CNTNAP4: variants seen among roughly 807,000 people sequenced by gnomAD.
The protein encoded by CNTNAP4 is contactin associated protein family member 4.
In CNTNAP4, 98 loss-of-function variants were observed where a neutral mutation model predicts 148.4. The ratio of observed to expected loss-of-function variants is 0.66; its 90% CI spans 0.56 to 0.78. The LOEUF is 0.78. Among genes scored for constraint, CNTNAP4 ranks in the 30% least tolerant of loss-of-function variants. The pLI, the probability that CNTNAP4 is intolerant of heterozygous loss-of-function variation, is 0.00. For synonymous variants in CNTNAP4, 730 were observed against 565.1 expected (o/e 1.29, Z -4.14); for missense variants, 1,935 against 1,565.6 (o/e 1.24, Z -3.98).
Position 76,521,063 on chromosome 16 carries a change from T to C in CNTNAP4, c.2366-77T>C, listed in dbSNP as rs1447645443. 9.8e-6 allele frequency: 13 copies of C among 1,331,582 alleles called. No individual in the cohort carries two copies. The Admixed American group carries it at 1.6e-4, about 16-fold the overall frequency. 82.5% of individuals were successfully genotyped at this position (1,331,582 alleles called of 1,614,324 possible). A position where few individuals can be genotyped will look rare whatever the true frequency, so the allele number is the denominator to read the frequency against. On this transcript the variant is annotated intron_variant, in intron 15 of 23. Transcript: ENST00000611870. The stretch of plus-strand genomic sequence containing the variant: ...TAGCAAAAGTGCTAAAAATAGAACA[T>C]GTAATTGTCATTCATTTTATTTCAT...
chr16:76,373,592 A>G (rs912923713), intron 3 of CNTNAP4, among the ~76,000 whole-genome samples: 1 of 152,136 alleles, frequency 6.6e-6, no homozygotes, highest in African/African-American at 2.4e-5. Context: ...AGCTATGAGT[A>G]TGAAAGGAGG....
intron 17 of CNTNAP4, among the ~76,000 whole-genome samples, chr16:76,523,199 A>C (rs62048238): frequency 0.09 from 13,628 of 151,716 alleles, 1,020 homozygotes; most frequent in African/African-American, 0.2. Flanking sequence ...TTTGATGAGG[A>C]AATCATCCAG....
chr16:76,284,492 A>C (rs1250405852), intron 1 of CNTNAP4, among the ~76,000 whole-genome samples: 1 of 152,004 alleles, frequency 6.6e-6, no homozygotes, highest in African/African-American at 2.4e-5. Flanking sequence ...GAAAACACTG[A>C]AATGAAGTAG....
chr16:76,541,591 G>A (rs1245245038), intron 21 of CNTNAP4, among the ~76,000 whole-genome samples: 1 of 152,092 alleles, frequency 6.6e-6, no homozygotes. Context: ...ATAGTAAATG[G>A]AATTTTATTT....
chr16:76,298,522 G>T, intron 1 of CNTNAP4, among the ~76,000 whole-genome samples: 1 of 139,146 alleles, frequency 7.2e-6, no homozygotes, highest in Admixed American at 8.5e-5. Flanking sequence ...GTGTGTGTGT[G>T]TGTGTGTGAG....
chr16:76,395,164 C>T (rs951740907), intron 3 of CNTNAP4, among the ~76,000 whole-genome samples: 1 of 152,100 alleles, frequency 6.6e-6, no homozygotes, highest in East Asian at 1.9e-4. Flanking sequence ...AGAGAGATCA[C>T]GACCTTTTGA....
At chr16:76,346,560 C>A (rs1484126643) in intron 2 of CNTNAP4, among the ~76,000 whole-genome samples, 1 of 151,864 alleles carries the variant, frequency 6.6e-6, no homozygotes, top group African/African-American at 2.4e-5. Flanking sequence ...TGTAAAAGAT[C>A]TAAATCAAAA....
chr16:76,334,434 A>G (rs1387108328), intron 2 of CNTNAP4, among the ~76,000 whole-genome samples: 1 of 152,158 alleles, frequency 6.6e-6, no homozygotes. Flanking sequence ...TAATCCTGTA[A>G]GTTACGTTCA....
chr16:76,305,868 T>G (rs953568734), intron 1 of CNTNAP4, among the ~76,000 whole-genome samples: 1 of 152,170 alleles, frequency 6.6e-6, no homozygotes, highest in Admixed American at 6.5e-5. Flanking sequence ...TGTCCATGTG[T>G]GCTCAATGTT....
chr16:76,530,226 G>A (rs183649028), intron 17 of CNTNAP4, among the ~76,000 whole-genome samples: 36 of 151,458 alleles, frequency 2.4e-4, no homozygotes, highest in South Asian at 8.3e-4. Flanking sequence ...TTTTAATTTC[G>A]GTTTTTTATA....
At chr16:76,531,669 C>G (rs1342684839) in intron 17 of CNTNAP4, among the ~76,000 whole-genome samples, 7 of 152,266 alleles carry the variant, frequency 4.6e-5, no homozygotes, top group Middle Eastern at 3.4e-3. Context: ...CCTGAAAAGG[C>G]ACTGGAATCT....
At chr16:76,451,781 A>G (rs760746243) in intron 7 of CNTNAP4, among the ~76,000 whole-genome samples, 3 of 152,160 alleles carry the variant, frequency 2.0e-5, no homozygotes, top group African/African-American at 4.8e-5. Context: ...AAATATGATT[A>G]GAAAGAAGAG....
At chr16:76,322,087 A>G in intron 2 of CNTNAP4, among the ~76,000 whole-genome samples, 1 of 152,102 alleles carries the variant, frequency 6.6e-6, no homozygotes, top group Non-Finnish European at 1.5e-5. Context: ...CCAGCAATTT[A>G]TTTGCTTCTA....
At chr16:76,373,510 A>G (rs2144646828) in intron 3 of CNTNAP4, among the ~76,000 whole-genome samples, 1 of 152,266 alleles carries the variant, frequency 6.6e-6, no homozygotes, top group South Asian at 2.1e-4. Context: ...GTTCACAAAA[A>G]ATACTTTGGG....
At chr16:76,434,426 CAGG>C (rs1310882765) in intron 4 of CNTNAP4, among the ~76,000 whole-genome samples, 1 of 152,126 alleles carries the variant, frequency 6.6e-6, no homozygotes, top group African/African-American at 2.4e-5. Context: ...CACCAGGTAC[CAGG>C]AGATGTGTTA....
At position 76,278,239 on chromosome 16, in the gene CNTNAP4, T is replaced by C. The variant is rs187813680; in HGVS notation, c.85+492T>C. 2.2e-3 allele frequency among the ~76,000 whole-genome samples: 335 copies of C among 152,276 alleles called. 1 individual carries two copies. The highest frequency in any genetic ancestry group is 7.1e-3 in the African/African-American group (294 of 41,556). On this transcript the variant is annotated intron_variant, in intron 1 of 23. Coordinates refer to ENST00000611870, the MANE Select transcript of CNTNAP4 (RefSeq NM_033401.5). ...AAATAATGCAGGCTAATAACTGAAA[T>C]GTACTGCAGGCTTCAGGAGCACCAG...
At chr16:76,471,131 C>CAT (rs537981367) in intron 10 of CNTNAP4, among the ~76,000 whole-genome samples, 168 of 152,134 alleles carry the variant, frequency 1.1e-3, no homozygotes, top group African/African-American at 3.7e-3. Flanking sequence ...CACACACACA[C>CAT]TCTTAGAAGC....
chr16:76,316,746 G>C (rs1241053020), intron 2 of CNTNAP4, among the ~76,000 whole-genome samples: 3 of 152,144 alleles, frequency 2.0e-5, no homozygotes, highest in Non-Finnish European at 4.4e-5. Context: ...CATCTGACAA[G>C]CTTTTTATAT....
chr16:76,536,653 A>G (rs2084227727), intron 18 of CNTNAP4, among the ~76,000 whole-genome samples: 1 of 152,192 alleles, frequency 6.6e-6, no homozygotes, highest in African/African-American at 2.4e-5. Flanking sequence ...TTATACATTA[A>G]TCATACATTT....
Sources: allele counts gnomAD v4.1 joint callset (sites outside exome capture counted in the v4.1 genomes callset), GRCh38; gene constraint gnomAD v4.1.1; transcripts MANE v1.5; gene names NCBI Gene and HGNC (gene_info 2026-07-23, HGNC 2026-07-21).